EPB42: variants seen among roughly 807,000 people sequenced by gnomAD.
EPB42 encodes the protein erythrocyte membrane protein band 4.2.
In EPB42, 49 loss-of-function variants were observed where a neutral mutation model predicts 76.9. That is an observed-to-expected ratio of 0.64 (90% confidence interval 0.51 to 0.81). The LOEUF is 0.81. Ranked by LOEUF, EPB42 falls within the 30% of genes least tolerant of loss-of-function variation. The probability of loss-of-function intolerance (pLI) is 0.00; values close to 1 mark genes in which losing one functional copy is unlikely to be tolerated. For missense variants in EPB42, 731 were observed against 867.6 expected, an observed-to-expected ratio of 0.84 and a Z score of 1.98; for synonymous variants, 310 against 338.4, an observed-to-expected ratio of 0.92 and a Z score of 0.92.
intron 4 of EPB42, 101 bp from the exon 5 acceptor site, chr15:43,210,540 C>G: frequency 1.9e-6 from 2 of 1,058,730 alleles, no homozygotes; most frequent in Non-Finnish European, 2.9e-6. Context: ...GCCTCATCAT[C>G]TCGTCCTTCT....
intron 10 of EPB42, 48 bp from the exon 11 acceptor site, chr15:43,203,323 C>T: frequency 6.2e-7 from 1 of 1,610,508 alleles, no homozygotes; most frequent in Non-Finnish European, 8.5e-7. Flanking sequence ...GTATGTACCC[C>T]AGAAACAGCC....
At position 43,197,334 on chromosome 15, in the gene EPB42, C is replaced by T. The variant is rs149419129; in HGVS notation, c.2044G>A (p.Val682Ile). The T allele has an allele frequency of 1.8e-4, 289 of 1,614,174 alleles. 1 individual carries two copies. In the African/African-American group the frequency reaches 2.4e-3, roughly 14 times the overall value. The change falls in exon 13 of 13, where the codon GTC (valine) becomes ATC (isoleucine). Residue 682 changes from valine (V) to isoleucine (I), a missense_variant. Coordinates refer to ENST00000441366, the MANE Select transcript of EPB42 (RefSeq NM_001114134.2). ...MFQNLTNYKS[V>I]TVVAPELSA Reference sequence around the variant, plus strand: ...GATAGTTCAGGGGCTACCACGGTGACGCTTTTATAGTTGGTTAGGTTCTGG... The same window carrying T: ...GATAGTTCAGGGGCTACCACGGTGATGCTTTTATAGTTGGTTAGGTTCTGG...
chr15:43,206,709 A>AT lies in EPB42; in HGVS notation c.1319-81dup. On this transcript the variant is annotated intron_variant, in intron 9 of 12. Coordinates refer to ENST00000441366, the MANE Select transcript of EPB42 (RefSeq NM_001114134.2). This position sits in a 1 kb window ranked among gnomAD's most constrained non-coding sequence, Gnocchi z 4.7. Reference sequence around the variant, plus strand: ...TAATAAAACCCTGGGAATCAAAACCATTTACCCACTTCTGCTCAAATGCCA... The same window carrying AT: ...TAATAAAACCCTGGGAATCAAAACCATTTTACCCACTTCTGCTCAAATGCCA... 6.5e-7 allele frequency: 1 copy of AT among 1,539,702 alleles called. No individual in the cohort carries two copies. Among genetic ancestry groups the AT allele is most frequent in the Non-Finnish European group, 8.9e-7 (1 of 1,120,914 alleles).
intron 3 of EPB42, among the ~76,000 whole-genome samples, chr15:43,213,136 T>A (rs756257181): frequency 1.3e-5 from 2 of 152,244 alleles, no homozygotes; most frequent in Admixed American, 1.3e-4. Flanking sequence ...TATTTTTTAT[T>A]TTTTTGGAAA....
At chr15:43,214,724 C>T (rs2042351963) in intron 3 of EPB42, among the ~76,000 whole-genome samples, 1 of 152,132 alleles carries the variant, frequency 6.6e-6, no homozygotes, top group Non-Finnish European at 1.5e-5. Context: ...CCACCTCATT[C>T]CCGAGGCCCT....
chr15:43,210,466 TGAAGGGTCCCCACACAGGGCCATGAG>T, intron 4 of EPB42, 27 bp from the exon 5 acceptor site: 1 of 1,603,974 alleles, frequency 6.2e-7, no homozygotes, highest in Non-Finnish European at 8.5e-7. Flanking sequence ...AGGGCCATGA[TGAAGGGTCCCCACACAGGGCCATGAG>T]GAAGGGTCCC....
chr15:43,205,284 G>T (rs191004892), intron 10 of EPB42, among the ~76,000 whole-genome samples: 3 of 152,182 alleles, frequency 2.0e-5, no homozygotes, highest in Non-Finnish European at 2.9e-5. Flanking sequence ...TGAGGTGACC[G>T]GTTAGAAGGC....
intron 12 of EPB42, among the ~76,000 whole-genome samples, chr15:43,199,064 G>A (rs1487351931): frequency 6.6e-6 from 1 of 152,260 alleles, no homozygotes; most frequent in Non-Finnish European, 1.5e-5. Flanking sequence ...CCCTCATGGA[G>A]AACCTCTGCT....
intron 1 of EPB42, among the ~76,000 whole-genome samples, chr15:43,218,922 A>G (rs1180002113): frequency 6.6e-6 from 1 of 152,174 alleles, no homozygotes; most frequent in Non-Finnish European, 1.5e-5. Context: ...GCCCATGAGA[A>G]GTTGTGTTAA....
At chr15:43,211,780 C>A (rs978626517) in intron 3 of EPB42, among the ~76,000 whole-genome samples, 1 of 152,192 alleles carries the variant, frequency 6.6e-6, no homozygotes, top group East Asian at 1.9e-4. Context: ...CCTTAAAAAG[C>A]TTGGCTGGCC....
Position 43,203,190 on chromosome 15 carries a change from T to C in EPB42, c.1704A>G (p.Ala568=). ...ENTFLRLTAM[A]THSESNLSCF... ...AGCTAAGGTTGGATTCAGAGTGTGT[T>C]GCCATGGCGGTGAGTCTAAGGAAGG... is the stretch of plus-strand genomic sequence containing the variant. The change falls in exon 11 of 13, where the codon GCA becomes GCG. Residue 568 remains alanine, a synonymous_variant. Coordinates refer to ENST00000441366, the MANE Select transcript of EPB42 (RefSeq NM_001114134.2). 1.9e-6 allele frequency: 3 copies of C among 1,613,826 alleles called. No homozygotes were observed. Among genetic ancestry groups the C allele is most frequent in the Non-Finnish European group, 2.5e-6 (3 of 1,179,930 alleles).
chr15:43,219,893 C>A (rs1273152010), intron 1 of EPB42, among the ~76,000 whole-genome samples: 1 of 151,222 alleles, frequency 6.6e-6, no homozygotes, highest in Non-Finnish European at 1.5e-5. Context: ...TTGCAGTGAG[C>A]CGAGATTGCG....
chr15:43,207,211 T>C lies in EPB42; in HGVS notation c.1306A>G (p.Lys436Glu). The C allele has an allele frequency of 6.2e-7, 1 of 1,614,054 alleles. No individual in the cohort carries two copies. Among genetic ancestry groups the C allele is most frequent in the Non-Finnish European group, 8.5e-7 (1 of 1,179,928 alleles). The change falls in exon 9 of 13, where the codon AAG becomes GAG. Residue 436 changes from lysine to glutamate, a missense_variant. Physicochemically the swap from Lys to Glu is moderately conservative, Grantham distance 56. Transcript: ENST00000441366. ...DRCEDITQNY[K>E]YPEGSLQEKE... is the part of the protein sequence containing the mutation. ...CCCTGGCCCGTACCTTCAGGATACT[T>C]GTAGTTCTGAGTGATGTCCTCGCAG...
chr15:43,204,456 G>A (rs1483097575), intron 10 of EPB42, among the ~76,000 whole-genome samples: 1 of 152,076 alleles, frequency 6.6e-6, no homozygotes, highest in African/African-American at 2.4e-5. Flanking sequence ...CCACGTCTGA[G>A]CTCCAGCCCA....
intron 4 of EPB42, among the ~76,000 whole-genome samples, chr15:43,210,728 C>T (rs185155298): frequency 5.9e-5 from 9 of 152,284 alleles, no homozygotes; most frequent in East Asian, 1.9e-4. Flanking sequence ...TGTACTGTTT[C>T]GTTTCATTGC....
chr15:43,221,475 G>T (rs2042459519), upstream of EPB42, among the ~76,000 whole-genome samples: 1 of 152,158 alleles, frequency 6.6e-6, no homozygotes, highest in Admixed American at 6.5e-5. Flanking sequence ...AAGCCTACCT[G>T]GTCTGGGACC....
intron 11 of EPB42, among the ~76,000 whole-genome samples, chr15:43,202,501 C>G (rs1373012193): frequency 1.3e-5 from 2 of 152,222 alleles, no homozygotes; most frequent in Non-Finnish European, 2.9e-5. Flanking sequence ...CCCAAACCCA[C>G]CAGCTGGAAT....
rs2042294062 is a variant in EPB42, at chr15:43,211,420, C to T, written c.545G>A (p.Gly182Asp). The T allele has an allele frequency of 6.2e-7, 1 of 1,607,438 alleles. No homozygotes were observed. The highest frequency in any genetic ancestry group is 8.5e-7 in the Non-Finnish European group (1 of 1,173,970). The change falls in exon 4 of 13, where the codon GGC becomes GAC. Residue 182 changes from glycine (G) to aspartate (D), a missense_variant. Physicochemically the swap from Gly to Asp is moderately conservative, Grantham distance 94. Coordinates refer to ENST00000441366, the MANE Select transcript of EPB42 (RefSeq NM_001114134.2). ...TCCCCTAGAGGGCCCTGGTACCTGG[C>T]CAAAGTCCCAGGACTCTGCCTGGAT... ...DCIQAESWDF[G>D]QFEGDVIDLS...
upstream of EPB42, among the ~76,000 whole-genome samples, chr15:43,223,241 C>G (rs150332829): frequency 0.047 from 7,217 of 152,072 alleles, 572 homozygotes; most frequent in African/African-American, 0.16. Context: ...AGCTTGAACC[C>G]GGGAGGTTGG....
Sources: allele counts gnomAD v4.1 joint callset (sites outside exome capture counted in the v4.1 genomes callset), GRCh38; gene constraint gnomAD v4.1.1; non-coding constraint Gnocchi (gnomAD v3.1); transcripts MANE v1.5; gene names NCBI Gene and HGNC (gene_info 2026-07-23, HGNC 2026-07-21).